The following GNG4 variants were observed in gnomAD, a reference collection of about 807,000 sequenced individuals.
GNG4 encodes G protein subunit gamma 4, also known as guanine nucleotide-binding protein G(I)/G(S)/G(O) subunit gamma-4.
In GNG4, 4 loss-of-function variants were observed where a neutral mutation model predicts 5.8. The observed-to-expected ratio is 0.69, with a 90% CI of 0.34 to 1.57. GNG4 has a LOEUF of 1.57. Among genes scored for constraint, GNG4 ranks in the 40% most tolerant of loss-of-function variants. GNG4 has a pLI of 0.06. For missense variants in GNG4, 96 were observed against 95.1 expected (o/e 1.01, Z -0.04); for synonymous variants, 29 against 32.9 (o/e 0.88, Z 0.41).
At chr1:235,620,101 C>G (rs1291899827) in intron 1 of GNG4, among the ~76,000 whole-genome samples, 1 of 152,210 alleles carries the variant, frequency 6.6e-6, no homozygotes, top group African/African-American at 2.4e-5. Flanking sequence ...TGGTGGCTCA[C>G]GCCTGTAATC....
intron 1 of GNG4, among the ~76,000 whole-genome samples, chr1:235,621,645 C>G (rs1016640394): frequency 6.7e-6 from 1 of 148,938 alleles, no homozygotes; most frequent in Non-Finnish European, 1.5e-5. Flanking sequence ...TTCATATTTC[C>G]CTTTACAGTT....
At chr1:235,583,239 C>G (rs535099314) in intron 3 of GNG4, among the ~76,000 whole-genome samples, 1 of 152,180 alleles carries the variant, frequency 6.6e-6, no homozygotes, top group Non-Finnish European at 1.5e-5. Context: ...GTCCTCCCAG[C>G]GTGGAGAGAC....
At chr1:235,650,104 C>G (rs1230721432), upstream of GNG4, 1 of 150,614 alleles carries the variant, frequency 6.6e-6, no homozygotes, top group Non-Finnish European at 1.5e-5. Flanking sequence ...CCCGCCCCCG[C>G]CCCCGCCCCA....
chr1:235,592,565 C>T (rs953303142), intron 2 of GNG4, among the ~76,000 whole-genome samples: 3 of 152,060 alleles, frequency 2.0e-5, no homozygotes, highest in Non-Finnish European at 2.9e-5. Flanking sequence ...TGCCCACAAG[C>T]CAGAGCTAAC....
intron 3 of GNG4, among the ~76,000 whole-genome samples, chr1:235,582,296 G>C (rs931485430): frequency 1.3e-5 from 2 of 152,078 alleles, no homozygotes; most frequent in Non-Finnish European, 2.9e-5. Flanking sequence ...TGTGCATGGC[G>C]CCCTCCTCCC....
intron 1 of GNG4, among the ~76,000 whole-genome samples, chr1:235,630,428 T>TGATGCCACGCTCTCATCACTTATCA (rs1688908657): frequency 6.6e-6 from 1 of 152,236 alleles, no homozygotes; most frequent in Non-Finnish European, 1.5e-5. Context: ...AACAGCCTGA[T>TGATGCCACGCTCTCATCACTTATCA]GATGCCACGC....
chr1:235,609,997 T>C (rs1398675616), intron 1 of GNG4, among the ~76,000 whole-genome samples: 2 of 152,166 alleles, frequency 1.3e-5, no homozygotes, highest in African/African-American at 4.8e-5. Context: ...GCCATCAAAG[T>C]TAGGAAACTA....
rs181775561 is a variant in GNG4 at position 235,574,229 on chromosome 1, G to A, written c.99+9511C>T. ...CTACTAGAAATACAAAAATTGTCCAGGCATGGTGGCACAGGCTTGTAATTC... is the reference window on the plus strand; with the variant it reads ...CTACTAGAAATACAAAAATTGTCCAAGCATGGTGGCACAGGCTTGTAATTC... On this transcript the variant is annotated intron_variant, in intron 3 of 3. Coordinates refer to ENST00000391854, the MANE Select transcript of GNG4 (RefSeq NM_001098722.2). Among the ~76,000 whole-genome samples, 8 of 152,240 alleles carry A rather than the reference G, an allele frequency of 5.3e-5. No homozygotes were observed. The East Asian group carries it at 1.5e-3, about 29-fold the overall frequency.
chr1:235,595,138 C>G (rs993559718), intron 2 of GNG4, among the ~76,000 whole-genome samples: 2 of 152,206 alleles, frequency 1.3e-5, no homozygotes, highest in Non-Finnish European at 2.9e-5. Context: ...AGTTCTCCTC[C>G]CCTGCTCCCC....
chr1:235,578,260 T>C (rs758244036), intron 3 of GNG4, among the ~76,000 whole-genome samples: 36 of 152,086 alleles, frequency 2.4e-4, no homozygotes, highest in African/African-American at 8.5e-4. Flanking sequence ...ATGGCAATTA[T>C]CAAAAATACA....
intron 1 of GNG4, among the ~76,000 whole-genome samples, chr1:235,612,065 C>CAAAA (rs68070269): frequency 1.1e-5 from 1 of 93,490 alleles, no homozygotes; most frequent in African/African-American, 4.5e-5. Context: ...CTTTGTCTCA[C>CAAAA]AAAAAAAAAA....
In GNG4 at chr1:235,642,790, C is replaced by T. The variant is rs1429445444; in HGVS notation, c.-123+6872G>A. On this transcript the variant is annotated intron_variant, in intron 1 of 3. Transcript: ENST00000391854. The surrounding 1 kb of genome is among the most constrained non-coding windows in gnomAD (Gnocchi z 4.3). ...CACCTCGGATCACCCCAGGCAATCTCGCCCCTGTGGCTTCACCTGGGTCCA... is the reference window on the plus strand; with the variant it reads ...CACCTCGGATCACCCCAGGCAATCTTGCCCCTGTGGCTTCACCTGGGTCCA... Among the ~76,000 whole-genome samples the T allele has an allele frequency of 6.6e-6, 1 of 152,174 alleles. No homozygotes were observed. The highest frequency in any genetic ancestry group is 1.9e-4 in the East Asian group (1 of 5,180).
chr1:235,602,494 A>C (rs1448785335), intron 1 of GNG4, among the ~76,000 whole-genome samples: 1 of 152,124 alleles, frequency 6.6e-6, no homozygotes, highest in African/African-American at 2.4e-5. Context: ...ACATTTCCAC[A>C]CTCTTTAAGT....
chr1:235,614,020 C>T lies in GNG4; in HGVS notation c.-122-18509G>A, dbSNP rs535170556. On this transcript the variant is annotated intron_variant, in intron 1 of 3. Coordinates refer to ENST00000391854, the MANE Select transcript of GNG4 (RefSeq NM_001098722.2). ...GTAGAGACGGGCTTCATCATATTACCCAGGCTGGTGTCAAAATCCTGAGCT... is the reference window on the plus strand; with the variant it reads ...GTAGAGACGGGCTTCATCATATTACTCAGGCTGGTGTCAAAATCCTGAGCT... Among the ~76,000 whole-genome samples, 57 of 152,300 alleles carry T rather than the reference C, an allele frequency of 3.7e-4. 1 individual carries two copies. Among genetic ancestry groups the T allele is most frequent in the Non-Finnish European group, 3.4e-4 (23 of 68,024 alleles).
At chr1:235,571,199 G>A (rs1280906080) in intron 3 of GNG4, among the ~76,000 whole-genome samples, 1 of 152,100 alleles carries the variant, frequency 6.6e-6, no homozygotes, top group African/African-American at 2.4e-5. Context: ...TTTAACCCCA[G>A]TAACAGTCAA....
intron 1 of GNG4, among the ~76,000 whole-genome samples, chr1:235,630,503 C>T (rs1214746188): frequency 2.0e-5 from 3 of 152,122 alleles, no homozygotes; most frequent in East Asian, 1.9e-4. Context: ...TTGTTTGTCC[C>T]GGGAATTCTG....
In GNG4 at chr1:235,573,753, G is replaced by A. The variant is rs1187321854; in HGVS notation, c.99+9987C>T. Among the ~76,000 whole-genome samples the A allele has an allele frequency of 3.3e-5, 5 of 152,106 alleles. 1 individual carries two copies. The highest frequency in any genetic ancestry group is 2.6e-4 in the Admixed American group (4 of 15,262). ...GATCGTGCCACTGCACTCCAGCCTG[G>A]GTGACAGAGTGAGATTCCATCTCAA... On this transcript the variant is annotated intron_variant, in intron 3 of 3. Transcript: ENST00000391854.
chr1:235,615,629 C>A, intron 1 of GNG4: 1 of 231,028 alleles, frequency 4.3e-6, no homozygotes, highest in East Asian at 1.1e-4. Context: ...GCAGTGGTGT[C>A]TGGGGGCTTT....
At chr1:235,594,615 G>C (rs981491237) in intron 2 of GNG4, among the ~76,000 whole-genome samples, 4 of 152,230 alleles carry the variant, frequency 2.6e-5, no homozygotes, top group African/African-American at 9.6e-5. Flanking sequence ...GTTGAGCACA[G>C]CAGCTGCTGG....
Sources: gnomAD v4.1 joint callset for allele counts (sites outside exome capture counted in the v4.1 genomes callset) on GRCh38, gnomAD v4.1.1 for gene constraint, Gnocchi (gnomAD v3.1) non-coding constraint, MANE v1.5 for transcripts, NCBI Gene and HGNC (gene_info 2026-07-23, HGNC 2026-07-21) for gene names.